SEC24D: variants seen among roughly 807,000 people sequenced by gnomAD.
SEC24D encodes SEC24 homolog D, COPII component.
SEC24D carries 69 observed loss-of-function variants against 116.9 expected under a neutral mutation model. The observed-to-expected ratio is 0.59, with a 90% CI of 0.49 to 0.72. The LOEUF (loss-of-function observed/expected upper bound fraction) is 0.72. SEC24D is among the 30% of genes least tolerant of loss of function. The probability of loss-of-function intolerance (pLI) is 0.00; values close to 1 mark genes in which losing one functional copy is unlikely to be tolerated. For synonymous variants in SEC24D, 405 were observed against 442.8 expected (o/e 0.91, Z 1.07); for missense variants, 1,131 against 1,264.1 (o/e 0.89, Z 1.60).
At chr4:118,829,071 TC>T (rs1459738469) in intron 2 of SEC24D, among the ~76,000 whole-genome samples, 1 of 152,220 alleles carries the variant, frequency 6.6e-6, no homozygotes, top group African/African-American at 2.4e-5. Flanking sequence ...ACCCTCTACT[TC>T]CTTTACAATA....
chr4:118,812,382 C>A lies in SEC24D; in HGVS notation c.801+2646G>T, dbSNP rs1377636959. On this transcript the variant is annotated intron_variant, in intron 6 of 22. Transcript: ENST00000280551. ...GAGGACAGGCACTCATCCTTCCGTG[C>A]CCAAATGTTGCATTTTCCAAAACCA... 2.0e-5 allele frequency among the ~76,000 whole-genome samples: 3 copies of A among 152,242 alleles called. No homozygotes were observed. In the East Asian group the frequency reaches 5.8e-4, roughly 29 times the overall value.
chr4:118,766,328 G>C (rs1188618130), intron 9 of SEC24D, among the ~76,000 whole-genome samples: 1 of 152,120 alleles, frequency 6.6e-6, no homozygotes, highest in Non-Finnish European at 1.5e-5. Flanking sequence ...CACTTTGCAA[G>C]GAAATAAGAG....
chr4:118,831,788 T>C (rs1309891971), intron 2 of SEC24D, among the ~76,000 whole-genome samples: 4 of 152,102 alleles, frequency 2.6e-5, no homozygotes, highest in Non-Finnish European at 4.4e-5. Flanking sequence ...TTTCTGTGAA[T>C]GATCCAGCTT....
At chr4:118,757,313 A>C (rs1727146522) in intron 11 of SEC24D, among the ~76,000 whole-genome samples, 1 of 152,202 alleles carries the variant, frequency 6.6e-6, no homozygotes, top group Non-Finnish European at 1.5e-5. Context: ...TTGCTTAAAA[A>C]TCTACCATCT....
At chr4:118,809,039 T>A (rs1729792383) in intron 6 of SEC24D, among the ~76,000 whole-genome samples, 1 of 151,632 alleles carries the variant, frequency 6.6e-6, no homozygotes. Context: ...AGTGGCACGA[T>A]CTTGGCTCCC....
At position 118,732,790 on chromosome 4, in the gene SEC24D, G is replaced by A; in HGVS notation, c.2619C>T (p.Val873=). The change falls in exon 20 of 23, where the codon GTC becomes GTT. Residue 873 remains valine (V), a synonymous_variant. Coordinates refer to ENST00000280551, the MANE Select transcript of SEC24D (RefSeq NM_014822.4). ...TDERAYQRQL[V]MTMGVADSQL... ...GAGAGTCAGCCACACCCATGGTCATGACCAGCTGTCTCTGGTATGCTCGTT... is the reference window on the plus strand; with the variant it reads ...GAGAGTCAGCCACACCCATGGTCATAACCAGCTGTCTCTGGTATGCTCGTT... The A allele has an allele frequency of 6.2e-7, 1 of 1,614,124 alleles. No homozygotes were observed. The highest frequency in any genetic ancestry group is 8.5e-7 in the Non-Finnish European group (1 of 1,179,972).
intron 11 of SEC24D, among the ~76,000 whole-genome samples, chr4:118,754,796 G>A (rs1727005341): frequency 1.3e-5 from 2 of 152,096 alleles, no homozygotes; most frequent in Admixed American, 6.6e-5. Flanking sequence ...ATTTTTTTGA[G>A]AGCTTACCAG....
intron 19 of SEC24D, chr4:118,738,028 A>T (rs1726049072): frequency 2.4e-6 from 1 of 424,312 alleles, no homozygotes; most frequent in South Asian, 3.0e-5. Flanking sequence ...TACATACCGT[A>T]GTGACTGTCA....
chr4:118,759,120 A>G (rs547666689), intron 10 of SEC24D, among the ~76,000 whole-genome samples: 165 of 152,268 alleles, frequency 1.1e-3, no homozygotes, highest in African/African-American at 3.8e-3. Context: ...CACATCTCCA[A>G]TTTGCACATT....
At chr4:118,801,728 T>C (rs1729453673) in intron 7 of SEC24D, among the ~76,000 whole-genome samples, 1 of 152,164 alleles carries the variant, frequency 6.6e-6, no homozygotes, top group Non-Finnish European at 1.5e-5. Context: ...TATGCATAAA[T>C]GAATGAGCTC....
chr4:118,802,593 C>G (rs574006959), intron 7 of SEC24D, among the ~76,000 whole-genome samples: 25 of 152,322 alleles, frequency 1.6e-4, no homozygotes, highest in African/African-American at 5.8e-4. Flanking sequence ...CAGGGCAGCT[C>G]TCTCTTCTTG....
At position 118,768,178 on chromosome 4, in the gene SEC24D, T is replaced by C. The variant is rs372226200; in HGVS notation, c.1175A>G (p.Asn392Ser). Residue 392 changes from asparagine (N) to serine (S), a missense_variant, in exon 9 of 23, where the codon AAT (asparagine) becomes AGT (serine). By Grantham distance (46) the Asn-to-Ser change is conservative (BLOSUM62 1). Coordinates refer to ENST00000280551, the MANE Select transcript of SEC24D (RefSeq NM_014822.4). ...CTTTTAATGGCACTGCTTACCATCATTCACACAGTTGCAAAATCCACACTG... is the reference window on the plus strand; with the variant it reads ...CTTTTAATGGCACTGCTTACCATCACTCACACAGTTGCAAAATCCACACTG... Reference protein sequence around the residue: ...RYQCGFCNCVNDVPPFYFQHL... With the variant: ...RYQCGFCNCVSDVPPFYFQHL... The C allele has an allele frequency of 2.5e-5, 40 of 1,613,050 alleles. No homozygotes were observed. The highest frequency in any genetic ancestry group is 3.2e-5 in the Non-Finnish European group (38 of 1,179,514).
At chr4:118,740,407 G>A (rs1275589173) in intron 17 of SEC24D, among the ~76,000 whole-genome samples, 1 of 151,198 alleles carries the variant, frequency 6.6e-6, no homozygotes, top group Non-Finnish European at 1.5e-5. Context: ...GTTTGCTGAT[G>A]CCTGTGATAC....
intron 18 of SEC24D, 60 bp from the exon 19 acceptor site, chr4:118,738,439 TAATC>T (rs1726076762): frequency 2.7e-6 from 3 of 1,124,252 alleles, no homozygotes; most frequent in East Asian, 2.4e-5. Flanking sequence ...TCTCTTCAAA[TAATC>T]AAACAAAAAA....
In SEC24D at chr4:118,744,224, A is replaced by T. The variant is rs115727462; in HGVS notation, c.1825-66T>A. 13,596 of 1,353,064 alleles carry T rather than the reference A, an allele frequency of 0.01. 61 individuals are homozygous for T. The highest frequency in any genetic ancestry group is 0.012 in the Non-Finnish European group (12,230 of 1,012,160). The allele number at this position is 1,353,064 out of a possible 1,614,324, so 83.8% of individuals were successfully genotyped here. On this transcript the variant is annotated intron_variant, in intron 14 of 22. Transcript: ENST00000280551. ...CAAAATGTTTTTGGTTTAAATTTTA[A>T]ATTTCTATTGAATTCTTATTGAATT...
At chr4:118,733,732 C>T (rs985109142) in intron 19 of SEC24D, among the ~76,000 whole-genome samples, 2 of 152,180 alleles carry the variant, frequency 1.3e-5, no homozygotes, top group African/African-American at 2.4e-5. Flanking sequence ...TCCTACAATT[C>T]CACAAACACG....
At position 118,757,627 on chromosome 4, in the gene SEC24D, A is replaced by T. The variant is rs553352670; in HGVS notation, c.1421+94T>A. 6 of 1,235,836 alleles carry T rather than the reference A, an allele frequency of 4.9e-6. No individual in the cohort carries two copies. The South Asian group carries it at 8.6e-5, about 18-fold the overall frequency. 76.6% of individuals were successfully genotyped at this position (1,235,836 alleles called of 1,614,324 possible). ...AATTACCCAGTGTCCTCATTAGCAAAAAAAATCAATTGGTCATTCAGCACT... is the reference window on the plus strand; with the variant it reads ...AATTACCCAGTGTCCTCATTAGCAATAAAAATCAATTGGTCATTCAGCACT... On this transcript the variant is annotated intron_variant, in intron 11 of 22. Coordinates refer to ENST00000280551, the MANE Select transcript of SEC24D (RefSeq NM_014822.4).
chr4:118,735,822 T>G (rs1725929595), intron 19 of SEC24D: 1 of 151,704 alleles, frequency 6.6e-6, no homozygotes, highest in African/African-American at 2.4e-5. Context: ...GCCTCCTGAG[T>G]GGCTGGGACT....
Position 118,732,833 on chromosome 4 carries a change from G to A in SEC24D, c.2576C>T (p.Pro859Leu), listed in dbSNP as rs375393177. Reference sequence around the variant, plus strand: ...TGCTCGTTCATCAGTTGAGATCTCTGGTCTGCTGAGTAGTACACAGTTTTT... The same window carrying A: ...TGCTCGTTCATCAGTTGAGATCTCTAGTCTGCTGAGTAGTACACAGTTTTT... ...LLKNCVLLSR[P>L]EISTDERAYQ... The change falls in exon 20 of 23, where the codon CCA (proline) becomes CTA (leucine). Residue 859 changes from proline to leucine, a missense_variant. Coordinates refer to ENST00000280551, the MANE Select transcript of SEC24D (RefSeq NM_014822.4). The A allele has an allele frequency of 2.5e-6, 4 of 1,613,858 alleles. No individual in the cohort carries two copies. In the African/African-American group the frequency reaches 5.3e-5, roughly 22 times the overall value.
Sources: gnomAD v4.1 joint callset for allele counts (sites outside exome capture counted in the v4.1 genomes callset) on GRCh38, gnomAD v4.1.1 for gene constraint, MANE v1.5 for transcripts, NCBI Gene and HGNC (gene_info 2026-07-23, HGNC 2026-07-21) for gene names.